Variants in LRRC4C observed in about 807,000 individuals in gnomAD.
LRRC4C encodes the protein leucine-rich repeat-containing protein 4C.
LRRC4C carries 5 observed loss-of-function variants against 33.6 expected under a neutral mutation model. The ratio of observed to expected loss-of-function variants is 0.15; its 90% CI spans 0.08 to 0.31. The LOEUF is 0.31. Ranked by LOEUF, LRRC4C falls within the 10% of genes least tolerant of loss-of-function variation. LRRC4C has a pLI of 1.00. For synonymous variants in LRRC4C, 329 were observed against 302.0 expected, an observed-to-expected ratio of 1.09 and a Z score of -0.93; for missense variants, 560 against 796.7, an observed-to-expected ratio of 0.70 and a Z score of 3.58.
At chr11:41,405,984 A>G (rs1277775729) in intron 1 of LRRC4C, among the ~76,000 whole-genome samples, 1 of 152,150 alleles carries the variant, frequency 6.6e-6, no homozygotes, top group Non-Finnish European at 1.5e-5. Context: ...CATCTCATTC[A>G]CAGGACAGCT....
At chr11:40,831,286 C>A (rs1393768478) in intron 2 of LRRC4C, among the ~76,000 whole-genome samples, 2 of 152,002 alleles carry the variant, frequency 1.3e-5, no homozygotes, top group Non-Finnish European at 1.5e-5. Context: ...AAACTCACAG[C>A]CTTCTGGTAG....
At chr11:40,977,733 C>T (rs1200976551) in intron 1 of LRRC4C, among the ~76,000 whole-genome samples, 1 of 152,164 alleles carries the variant, frequency 6.6e-6, no homozygotes, top group African/African-American at 2.4e-5. Context: ...TGCCTCAAAA[C>T]TTAAAAAATT....
chr11:40,801,310 T>C (rs1951032805), intron 2 of LRRC4C, among the ~76,000 whole-genome samples: 2 of 152,176 alleles, frequency 1.3e-5, no homozygotes, highest in Admixed American at 1.3e-4. Flanking sequence ...TGGTGTGCCC[T>C]TCCTCACTAT....
chr11:41,004,964 T>A (rs899494412), intron 1 of LRRC4C, among the ~76,000 whole-genome samples: 1 of 151,664 alleles, frequency 6.6e-6, no homozygotes, highest in African/African-American at 2.4e-5. Flanking sequence ...AGTTCTTCAG[T>A]TTTTCTGTTG....
intron 3 of LRRC4C, among the ~76,000 whole-genome samples, chr11:40,359,908 G>C (rs1947869485): frequency 6.6e-6 from 1 of 152,090 alleles, no homozygotes; most frequent in African/African-American, 2.4e-5. Flanking sequence ...TGAGATTCAA[G>C]GGAAAAAAGT....
chr11:40,495,828 T>TTTTTTG (rs1954417088), intron 3 of LRRC4C, among the ~76,000 whole-genome samples: 1 of 45,682 alleles, frequency 2.2e-5, no homozygotes, highest in African/African-American at 7.2e-5. Context: ...TTTTTTTTTT[T>TTTTTTG]TTTTTTTTTT....
chr11:41,063,148 T>C (rs1347142475), intron 1 of LRRC4C, among the ~76,000 whole-genome samples: 3 of 152,228 alleles, frequency 2.0e-5, no homozygotes, highest in Non-Finnish European at 2.9e-5. Flanking sequence ...GCAAACAGCA[T>C]CTGTACTGTG....
At chr11:41,108,784 C>A (rs1286973006) in intron 1 of LRRC4C, among the ~76,000 whole-genome samples, 2 of 151,986 alleles carry the variant, frequency 1.3e-5, no homozygotes, top group Non-Finnish European at 2.9e-5. Flanking sequence ...TGAAGTAAAC[C>A]TTTCTTGTAT....
chr11:41,246,931 C>T (rs886625953), intron 1 of LRRC4C, among the ~76,000 whole-genome samples: 1 of 152,188 alleles, frequency 6.6e-6, no homozygotes, highest in Non-Finnish European at 1.5e-5. Context: ...AAAGTTCATT[C>T]CTAACATTTA....
chr11:40,612,360 C>T (rs757680965), intron 3 of LRRC4C, among the ~76,000 whole-genome samples: 2 of 151,714 alleles, frequency 1.3e-5, no homozygotes, highest in Non-Finnish European at 2.9e-5. Flanking sequence ...GCAGAAAGTA[C>T]AATAGTGGCT....
chr11:40,290,654 G>A (rs958250658), intron 4 of LRRC4C, among the ~76,000 whole-genome samples: 2 of 152,112 alleles, frequency 1.3e-5, no homozygotes, highest in Admixed American at 6.5e-5. Flanking sequence ...ACTAAGAAGG[G>A]ACCCAGGAGA....
At chr11:40,413,672 A>G (rs1950227106) in intron 3 of LRRC4C, among the ~76,000 whole-genome samples, 1 of 152,166 alleles carries the variant, frequency 6.6e-6, no homozygotes, top group Non-Finnish European at 1.5e-5. Context: ...ACACTTGGAC[A>G]TTCTCTAATA....
At chr11:40,749,854 C>T (rs936169078) in intron 2 of LRRC4C, among the ~76,000 whole-genome samples, 28 of 151,850 alleles carry the variant, frequency 1.8e-4, no homozygotes, top group African/African-American at 6.5e-4. Flanking sequence ...CAATTATGAA[C>T]AAATATATGC....
intron 1 of LRRC4C, among the ~76,000 whole-genome samples, chr11:41,004,893 A>G (rs1172483245): frequency 6.6e-6 from 1 of 152,176 alleles, no homozygotes; most frequent in African/African-American, 2.4e-5. Context: ...ATGCAATCCT[A>G]ACTATCATGG....
chr11:41,399,498 G>A (rs1270760922), intron 1 of LRRC4C, among the ~76,000 whole-genome samples: 1 of 151,880 alleles, frequency 6.6e-6, no homozygotes, highest in Non-Finnish European at 1.5e-5. Flanking sequence ...TTTCCTTCAC[G>A]GAGAAGAAAA....
At chr11:40,479,618 G>A (rs184230127) in intron 3 of LRRC4C, among the ~76,000 whole-genome samples, 37 of 152,248 alleles carry the variant, frequency 2.4e-4, no homozygotes, top group Admixed American at 1.2e-3. Flanking sequence ...GAGGGAGGCG[G>A]CTGCTTTAAA....
intron 2 of LRRC4C, among the ~76,000 whole-genome samples, chr11:40,881,571 T>C (rs1955176507): frequency 6.6e-6 from 1 of 152,134 alleles, no homozygotes; most frequent in Non-Finnish European, 1.5e-5. Flanking sequence ...CTCAACAGTT[T>C]ATTCTCATTT....
intron 1 of LRRC4C, among the ~76,000 whole-genome samples, chr11:41,194,232 C>G (rs545789337): frequency 9.9e-5 from 15 of 152,126 alleles, no homozygotes; most frequent in African/African-American, 3.6e-4. Context: ...GGCATTCAGT[C>G]AACAGTAGGC....
intron 1 of LRRC4C, among the ~76,000 whole-genome samples, chr11:40,951,117 A>G (rs879332872): frequency 6.6e-6 from 1 of 152,030 alleles, no homozygotes; most frequent in East Asian, 1.9e-4. Flanking sequence ...AAATAAGGCC[A>G]TTGAAATATA....
Sources: gnomAD v4.1 joint callset for allele counts (sites outside exome capture counted in the v4.1 genomes callset) on GRCh38, gnomAD v4.1.1 for gene constraint, MANE v1.5 for transcripts, NCBI Gene and HGNC (gene_info 2026-07-23, HGNC 2026-07-21) for gene names.